The following RALYL variants were observed in gnomAD, a reference collection of about 807,000 sequenced individuals.
RALYL encodes the protein RNA-binding Raly-like protein.
A neutral mutation model predicts 35.1 loss-of-function variants in RALYL; 29 were observed. That is an observed-to-expected ratio of 0.83 (90% CI 0.61 to 1.13). The LOEUF (loss-of-function observed/expected upper bound fraction) is 1.13. RALYL is among the 50% of genes most tolerant of loss of function. The pLI is 0.00. For missense variants in RALYL, 359 were observed against 360.4 expected (o/e 1.00, Z 0.03); for synonymous variants, 120 against 127.6 (o/e 0.94, Z 0.40).
At chr8:84,262,871 A>G (rs1382712814) in intron 1 of RALYL, among the ~76,000 whole-genome samples, 3 of 152,156 alleles carry the variant, frequency 2.0e-5, no homozygotes, top group African/African-American at 4.8e-5. Flanking sequence ...TTATACATCT[A>G]TGTGTGGTTG....
At chr8:84,194,979 G>T (rs7010829) in intron 1 of RALYL, among the ~76,000 whole-genome samples, 28,587 of 151,786 alleles carry the variant, frequency 0.19, 3,739 homozygotes, top group African/African-American at 0.37. Flanking sequence ...GATTGGTACA[G>T]CAATAGGTCA....
rs182104694 is a variant in RALYL, at chr8:84,686,050, C to G, written c.257-88529C>G. 2.0e-5 allele frequency among the ~76,000 whole-genome samples: 3 copies of G among 152,286 alleles called. No individual in the cohort carries two copies. The East Asian group carries it at 5.8e-4, about 29-fold the overall frequency. ...TGTGTATCTCCACTTAGCTTGGACA[C>G]AGCTGGTGCAGTTTTTTTGCATTCC... On this transcript the variant is annotated intron_variant, in intron 2 of 8. Coordinates refer to ENST00000521268, the MANE Select transcript of RALYL (RefSeq NM_173848.7).
chr8:84,841,301 A>T (rs1190286367), intron 4 of RALYL, among the ~76,000 whole-genome samples: 10 of 152,148 alleles, frequency 6.6e-5, no homozygotes, highest in Admixed American at 2.6e-4. Flanking sequence ...AAACAAAAAA[A>T]GGCAGGGGTT....
intron 2 of RALYL, among the ~76,000 whole-genome samples, chr8:84,621,084 C>A (rs1821286704): frequency 6.6e-6 from 1 of 152,178 alleles, no homozygotes; most frequent in Non-Finnish European, 1.5e-5. Flanking sequence ...CCTACAGAGG[C>A]AGGCAGGCCT....
intron 1 of RALYL, among the ~76,000 whole-genome samples, chr8:84,289,183 G>A (rs998385992): frequency 6.6e-6 from 1 of 152,168 alleles, no homozygotes; most frequent in African/African-American, 2.4e-5. Flanking sequence ...TTGGGAAACA[G>A]CAGCACTATC....
At chr8:84,838,188 T>G (rs951452992) in intron 4 of RALYL, among the ~76,000 whole-genome samples, 5 of 152,142 alleles carry the variant, frequency 3.3e-5, no homozygotes, top group African/African-American at 1.2e-4. Flanking sequence ...TATATAAAAT[T>G]CTTTAAAAAA....
chr8:84,332,722 A>C (rs940162531), intron 1 of RALYL, among the ~76,000 whole-genome samples: 4 of 152,020 alleles, frequency 2.6e-5, no homozygotes, highest in African/African-American at 9.7e-5. Context: ...CTTCCTAGTG[A>C]CCTTTACAAG....
intron 2 of RALYL, among the ~76,000 whole-genome samples, chr8:84,714,530 A>C (rs1009357249): frequency 2.6e-5 from 4 of 151,716 alleles, no homozygotes; most frequent in Admixed American, 6.6e-5. Context: ...ATAAACTAAA[A>C]TAAAATACTG....
At chr8:84,522,497 C>T (rs1564079881) in intron 1 of RALYL, among the ~76,000 whole-genome samples, 1 of 152,106 alleles carries the variant, frequency 6.6e-6, no homozygotes. Context: ...GATCCGCCCG[C>T]CTCGGCCTCC....
rs910463368 is a variant in RALYL at position 84,304,267 on chromosome 8, G to A, written c.-24+119843G>A. On this transcript the variant is annotated intron_variant, in intron 1 of 8. Transcript: ENST00000521268. ...CGATTAGCTGGGACTACAGGCGCCC[G>A]CCACCAAGCCCAGCTAATTTTTTGT... is the stretch of plus-strand genomic sequence containing the variant. Among the ~76,000 whole-genome samples, 3 of 152,052 alleles carry A rather than the reference G, an allele frequency of 2.0e-5. No individual in the cohort carries two copies. In the South Asian group the frequency reaches 6.2e-4, roughly 32 times the overall value.
chr8:84,501,538 A>G lies in RALYL; in HGVS notation c.-23-27761A>G, dbSNP rs561041313. On this transcript the variant is annotated intron_variant, in intron 1 of 8. Transcript: ENST00000521268. Reference sequence around the variant, plus strand: ...GATGTCATGGTCATTTCCATAAGATATAAACATAATATATATTTCAGAGCA... The same window carrying G: ...GATGTCATGGTCATTTCCATAAGATGTAAACATAATATATATTTCAGAGCA... 8.5e-5 allele frequency among the ~76,000 whole-genome samples: 13 copies of G among 152,184 alleles called. No homozygotes were observed. In the East Asian group the frequency reaches 2.5e-3, roughly 29 times the overall value.
At chr8:84,494,887 A>C (rs1055390658) in intron 1 of RALYL, among the ~76,000 whole-genome samples, 1 of 151,882 alleles carries the variant, frequency 6.6e-6, no homozygotes, top group African/African-American at 2.4e-5. Flanking sequence ...AATACACTTT[A>C]TTTCTTTCTC....
chr8:84,439,219 A>G (rs1373831357), intron 1 of RALYL, among the ~76,000 whole-genome samples: 2 of 152,120 alleles, frequency 1.3e-5, no homozygotes, highest in African/African-American at 4.8e-5. Flanking sequence ...ATCCATGAAC[A>G]TGGAATGTTT....
At chr8:84,356,790 AATGT>A (rs1851920700) in intron 1 of RALYL, among the ~76,000 whole-genome samples, 1 of 150,320 alleles carries the variant, frequency 6.7e-6, no homozygotes, top group African/African-American at 2.5e-5. Flanking sequence ...AACAAGAAAA[AATGT>A]TATGCTCTCT....
chr8:84,282,422 C>T (rs1836752397), intron 1 of RALYL, among the ~76,000 whole-genome samples: 1 of 151,892 alleles, frequency 6.6e-6, no homozygotes. Flanking sequence ...GTAAATAAAA[C>T]AATATTTCTA....
At chr8:84,201,185 A>G (rs959218014) in intron 1 of RALYL, among the ~76,000 whole-genome samples, 1 of 152,198 alleles carries the variant, frequency 6.6e-6, no homozygotes, top group African/African-American at 2.4e-5. Context: ...TCAGCTTTTC[A>G]AGACTATATG....
rs112320658 is a variant in RALYL at position 84,594,678 on chromosome 8, C to T, written c.256+65101C>T. The stretch of plus-strand genomic sequence containing the variant: ...AATCATTACTTTAGTTAAAACTGAA[C>T]GTACTTGTGGCTAGCATAGGAAAGG... On this transcript the variant is annotated intron_variant, in intron 2 of 8. Transcript: ENST00000521268. 7.9e-3 allele frequency among the ~76,000 whole-genome samples: 1,201 copies of T among 152,050 alleles called. 8 individuals are homozygous for T. Among genetic ancestry groups the T allele is most frequent in the Admixed American group, 0.016 (237 of 15,236 alleles).
At chr8:84,737,271 A>G (rs990358525) in intron 2 of RALYL, among the ~76,000 whole-genome samples, 2 of 152,108 alleles carry the variant, frequency 1.3e-5, no homozygotes, top group African/African-American at 4.8e-5. Flanking sequence ...CAGTAAAACT[A>G]AAGGTAAATA....
chr8:84,857,483 T>C (rs1837290328), intron 5 of RALYL, among the ~76,000 whole-genome samples: 1 of 152,240 alleles, frequency 6.6e-6, no homozygotes, highest in Admixed American at 6.5e-5. Context: ...GAAAATTTAA[T>C]ATTCAGTAAT....
Sources: allele counts gnomAD v4.1 joint callset (sites outside exome capture counted in the v4.1 genomes callset), GRCh38; gene constraint gnomAD v4.1.1; transcripts MANE v1.5; gene names NCBI Gene and HGNC (gene_info 2026-07-23, HGNC 2026-07-21).